LIFR: variants seen among roughly 807,000 people sequenced by gnomAD.
LIFR encodes LIF receptor subunit alpha.
A neutral mutation model predicts 122.2 loss-of-function variants in LIFR; 84 were observed. That is an observed-to-expected ratio of 0.69 (90% CI 0.58 to 0.82). The LOEUF is 0.82. Ranked by LOEUF, LIFR falls within the 40% of genes least tolerant of loss-of-function variation. The pLI, the probability that LIFR is intolerant of heterozygous loss-of-function variation, is 0.00. For synonymous variants in LIFR, 422 were observed against 434.7 expected (o/e 0.97, Z 0.36); for missense variants, 1,294 against 1,311.6 (o/e 0.99, Z 0.21).
chr5:38,529,964 TA>T (rs1024757357), intron 2 of LIFR, among the ~76,000 whole-genome samples: 5 of 152,234 alleles, frequency 3.3e-5, no homozygotes, highest in African/African-American at 1.2e-4. Flanking sequence ...AGGAGGATGA[TA>T]ATTTCTTTAT....
intron 12 of LIFR, 61 bp from the exon 13 acceptor site, chr5:38,496,656 T>A (rs1325027775): frequency 3.3e-6 from 4 of 1,225,806 alleles, no homozygotes. Flanking sequence ...CTAGGCAAGG[T>A]AATTGGGTTT....
intron 4 of LIFR, 88 bp downstream of exon 4, chr5:38,527,067 C>T (rs183967750): frequency 1.7e-6 from 2 of 1,182,970 alleles, no homozygotes; most frequent in Non-Finnish European, 2.4e-6. Context: ...TAGCATAACA[C>T]ATGAAATTCA....
intron 1 of LIFR, among the ~76,000 whole-genome samples, chr5:38,573,238 G>A (rs1749272835): frequency 6.6e-6 from 1 of 152,220 alleles, no homozygotes; most frequent in Admixed American, 6.5e-5. Flanking sequence ...GCCATTAGGA[G>A]CTTTTGAGCT....
chr5:38,581,846 A>T (rs948047692), intron 1 of LIFR, among the ~76,000 whole-genome samples: 2 of 152,186 alleles, frequency 1.3e-5, no homozygotes, highest in Admixed American at 1.3e-4. Flanking sequence ...GGAAACAATA[A>T]TGTGATCTCG....
chr5:38,606,151 A>G (rs1187577983), intron 2 of LIFR: 4 of 152,206 alleles, frequency 2.6e-5, no homozygotes, highest in Admixed American at 6.5e-5. Context: ...TTGCATTGCT[A>G]TGAAGAAATG....
intron 9 of LIFR, among the ~76,000 whole-genome samples, chr5:38,505,445 C>CACACACAA (rs70978886): frequency 6.8e-6 from 1 of 147,080 alleles, no homozygotes; most frequent in Non-Finnish European, 1.5e-5. Context: ...CACACACACA[C>CACACACAA]GAGTACAAAT....
chr5:38,530,160 C>T (rs1208951895), intron 2 of LIFR, among the ~76,000 whole-genome samples: 3 of 152,172 alleles, frequency 2.0e-5, no homozygotes, highest in Non-Finnish European at 4.4e-5. Context: ...GGGCTGACTA[C>T]AGAGGAGCCA....
intron 5 of LIFR, among the ~76,000 whole-genome samples, 199 bp from the exon 6 acceptor site, chr5:38,512,163 A>C (rs1228092202): frequency 6.6e-6 from 1 of 152,216 alleles, no homozygotes; most frequent in African/African-American, 2.4e-5. Context: ...CTTCAACTTT[A>C]GGCCCTAATG....
chr5:38,553,196 G>A (rs756864823), intron 1 of LIFR, among the ~76,000 whole-genome samples: 20 of 152,022 alleles, frequency 1.3e-4, no homozygotes, highest in Non-Finnish European at 1.3e-4. Flanking sequence ...CTCTGCCTAA[G>A]CCACTCTTCT....
At chr5:38,530,822 G>C in intron 1 of LIFR, 156 bp from the exon 2 acceptor site, 1 of 697,358 alleles carries the variant, frequency 1.4e-6, no homozygotes, top group Non-Finnish European at 2.5e-6. Flanking sequence ...CCTGGCTTGT[G>C]GAGACATCAA....
intron 2 of LIFR, among the ~76,000 whole-genome samples, chr5:38,529,727 T>C (rs1746897927): frequency 6.6e-6 from 1 of 152,164 alleles, no homozygotes; most frequent in African/African-American, 2.4e-5. Flanking sequence ...TCTCAGATTC[T>C]ATAAATGTTT....
intron 15 of LIFR, 38 bp downstream of exon 15, chr5:38,490,152 G>T: frequency 2.3e-6 from 2 of 860,068 alleles, no homozygotes; most frequent in Non-Finnish European, 3.8e-6. Flanking sequence ...TTCTCATGTT[G>T]CCTTGAGCTC....
chr5:38,501,618 G>T (rs949653444), intron 11 of LIFR, among the ~76,000 whole-genome samples: 4 of 152,064 alleles, frequency 2.6e-5, no homozygotes, highest in African/African-American at 4.8e-5. Flanking sequence ...CGGGCGTGGT[G>T]GTGGGGCCCC....
intron 1 of LIFR, among the ~76,000 whole-genome samples, chr5:38,535,383 T>C (rs771024593): frequency 2.6e-5 from 4 of 152,274 alleles, no homozygotes; most frequent in Middle Eastern, 3.4e-3. Flanking sequence ...ACTTTAATTA[T>C]ATTTATGTCA....
At chr5:38,551,315 T>C (rs1748188148) in intron 1 of LIFR, among the ~76,000 whole-genome samples, 1 of 152,132 alleles carries the variant, frequency 6.6e-6, no homozygotes, top group Admixed American at 6.5e-5. Flanking sequence ...CACTCGGGTG[T>C]CCTCAGGGGC....
chr5:38,483,521 A>C (rs1744111551), intron 18 of LIFR, among the ~76,000 whole-genome samples: 1 of 152,058 alleles, frequency 6.6e-6, no homozygotes, highest in Non-Finnish European at 1.5e-5. Context: ...TCCCTGGTTC[A>C]AGTGATTCTC....
intron 2 of LIFR, among the ~76,000 whole-genome samples, chr5:38,605,849 T>C (rs1274681717): frequency 6.6e-6 from 1 of 152,198 alleles, no homozygotes; most frequent in African/African-American, 2.4e-5. Context: ...CTTGGAGTTG[T>C]CCCGCCTTTC....
chr5:38,527,070 G>A, intron 4 of LIFR, 85 bp downstream of exon 4: 1 of 1,249,698 alleles, frequency 8.0e-7, no homozygotes, highest in Non-Finnish European at 1.1e-6. Flanking sequence ...CATAACACAT[G>A]AAATTCAAAA....
At chr5:38,515,796 G>A (rs1238228835) in intron 5 of LIFR, among the ~76,000 whole-genome samples, 1 of 152,138 alleles carries the variant, frequency 6.6e-6, no homozygotes, top group Non-Finnish European at 1.5e-5. Context: ...TGGGGGAGCA[G>A]TGCCTGGTGA....
Sources: allele counts gnomAD v4.1 joint callset (sites outside exome capture counted in the v4.1 genomes callset), GRCh38; gene constraint gnomAD v4.1.1; transcripts MANE v1.5; gene names NCBI Gene and HGNC (gene_info 2026-07-23, HGNC 2026-07-21).